Variants in SRPK2 observed in about 807,000 individuals in gnomAD.
SRPK2 encodes the protein SFRS protein kinase 2.
SRPK2 carries 21 observed loss-of-function variants against 90.8 expected under a neutral mutation model. The ratio of observed to expected loss-of-function variants is 0.23; its 90% CI spans 0.16 to 0.33. The LOEUF is 0.33. SRPK2 is among the 10% of genes least tolerant of loss of function. SRPK2 has a pLI of 1.00. For missense variants in SRPK2, 620 were observed against 869.0 expected (o/e 0.71, Z 3.60); for synonymous variants, 288 against 311.1 (o/e 0.93, Z 0.78).
intron 2 of SRPK2, among the ~76,000 whole-genome samples, chr7:105,249,194 A>G (rs1282887002): frequency 6.6e-6 from 1 of 152,150 alleles, no homozygotes; most frequent in Admixed American, 6.6e-5. Flanking sequence ...TTGTTCAGAT[A>G]TTATACTCTG....
chr7:105,171,974 A>T, intron 3 of SRPK2, among the ~76,000 whole-genome samples: 1 of 151,930 alleles, frequency 6.6e-6, no homozygotes, highest in Non-Finnish European at 1.5e-5. Context: ...GCTCACTGCA[A>T]CCTCCACCTC....
At chr7:105,166,793 T>C (rs1790125637) in intron 6 of SRPK2, among the ~76,000 whole-genome samples, 1 of 152,194 alleles carries the variant, frequency 6.6e-6, no homozygotes, top group African/African-American at 2.4e-5. Flanking sequence ...AACCAAAATG[T>C]TTCCATACTC....
rs7791666 is a variant in SRPK2 at position 105,156,596 on chromosome 7, G to A, written c.621+3911C>T. On this transcript the variant is annotated intron_variant, in intron 7 of 15. Transcript: ENST00000393651. ...GCTCACTGCAGCCTTGACCCCTTGG[G>A]CTCAAGTGATCCTCCGACCTCAGCC... 3.3e-3 allele frequency among the ~76,000 whole-genome samples: 495 copies of A among 152,228 alleles called. 1 individual carries two copies. The highest frequency in any genetic ancestry group is 9.2e-3 in the African/African-American group (382 of 41,522).
intron 3 of SRPK2, among the ~76,000 whole-genome samples, chr7:105,186,067 T>G (rs1021854709): frequency 1.3e-5 from 2 of 152,250 alleles, no homozygotes; most frequent in Admixed American, 1.3e-4. Flanking sequence ...ACTTTAGGTT[T>G]AATGTCTGCA....
At chr7:105,270,476 C>T (rs1461400930) in intron 2 of SRPK2, among the ~76,000 whole-genome samples, 2 of 150,664 alleles carry the variant, frequency 1.3e-5, no homozygotes, top group African/African-American at 4.9e-5. Context: ...GGCACAATCT[C>T]GGCTCACTGC....
Position 105,132,774 on chromosome 7 carries a change from G to A in SRPK2, c.1752+17C>T. Reference sequence around the variant, plus strand: ...CGAGCCAATTCCCATGGCAGCAAAGGGCACAGCCGTCCTTACCATACACGC... The same window carrying A: ...CGAGCCAATTCCCATGGCAGCAAAGAGCACAGCCGTCCTTACCATACACGC... On this transcript the variant is annotated intron_variant, in intron 13 of 15. Transcript: ENST00000393651. 2 of 1,590,886 alleles carry A rather than the reference G, an allele frequency of 1.3e-6. No individual in the cohort carries two copies. Among genetic ancestry groups the A allele is most frequent in the Non-Finnish European group, 1.7e-6 (2 of 1,164,438 alleles).
chr7:105,378,583 T>C (rs1460443780), intron 2 of SRPK2, among the ~76,000 whole-genome samples: 1 of 151,908 alleles, frequency 6.6e-6, no homozygotes, highest in South Asian at 2.1e-4. Context: ...GCCAACATGG[T>C]GAAACCCCAT....
chr7:105,282,918 AATAT>A (rs1807535753), intron 2 of SRPK2, among the ~76,000 whole-genome samples: 1 of 151,806 alleles, frequency 6.6e-6, no homozygotes, highest in Non-Finnish European at 1.5e-5. Flanking sequence ...TAGCATCCAG[AATAT>A]ATAAAGAACT....
intron 3 of SRPK2, among the ~76,000 whole-genome samples, chr7:105,192,509 C>T (rs1794421591): frequency 6.6e-6 from 1 of 152,216 alleles, no homozygotes; most frequent in African/African-American, 2.4e-5. Context: ...TATAAACATG[C>T]ATGAGCAAGT....
intron 11 of SRPK2, among the ~76,000 whole-genome samples, 183 bp downstream of exon 11, chr7:105,141,825 T>C (rs545758665): frequency 4.6e-4 from 70 of 152,262 alleles, no homozygotes; most frequent in African/African-American, 1.6e-3. Flanking sequence ...GAGCAAGAAA[T>C]AGCCTAATGG....
At chr7:105,394,367 T>C (rs974539054), upstream of SRPK2, among the ~76,000 whole-genome samples, 165 of 152,236 alleles carry the variant, frequency 1.1e-3, 4 homozygotes, top group Admixed American at 0.011. Context: ...GGTCTCAAAC[T>C]CCTGACCTCA....
chr7:105,330,819 T>TA (rs558562694), intron 2 of SRPK2, among the ~76,000 whole-genome samples: 48 of 148,036 alleles, frequency 3.2e-4, no homozygotes, highest in African/African-American at 6.0e-4. Context: ...TGTCTCTATT[T>TA]AAAAAAAAAA....
At chr7:105,145,990 C>A (rs1375769233) in intron 8 of SRPK2, among the ~76,000 whole-genome samples, 1 of 152,150 alleles carries the variant, frequency 6.6e-6, no homozygotes, top group Non-Finnish European at 1.5e-5. Context: ...CACCACCTCC[C>A]CGACCCCGCC....
chr7:105,323,967 T>TGTGTGTG (rs1813232169), intron 2 of SRPK2, among the ~76,000 whole-genome samples: 114 of 133,894 alleles, frequency 8.5e-4, no homozygotes, highest in African/African-American at 2.9e-3. Flanking sequence ...AGACTATTCT[T>TGTGTGTG]TGTGTGTGTG....
At position 105,382,456 on chromosome 7, in the gene SRPK2, T is replaced by G. The variant is rs148213830; in HGVS notation, c.71+6192A>C. ...AATCCCAGCTACTCAGGAGGCTAAG[T>G]CAGGAGAATCGCTTAAACCCAGGAA... On this transcript the variant is annotated intron_variant, in intron 2 of 15. Transcript: ENST00000393651. Among the ~76,000 whole-genome samples the G allele has an allele frequency of 4.9e-3, 704 of 143,460 alleles. 11 individuals carry two copies. The East Asian group carries it at 0.058, about 12-fold the overall frequency. The allele number at this position is 143,460 out of a possible 152,430, so 94.1% of individuals were successfully genotyped here. A position where few individuals can be genotyped will look rare whatever the true frequency, so the allele number is the denominator to read the frequency against.
intron 2 of SRPK2, among the ~76,000 whole-genome samples, chr7:105,353,119 T>C (rs1343783852): frequency 1.3e-5 from 2 of 152,136 alleles, no homozygotes; most frequent in East Asian, 3.8e-4. Context: ...GATTAAGTAA[T>C]TGCTAAGGAA....
At chr7:105,385,119 G>A (rs35446961) in intron 2 of SRPK2, among the ~76,000 whole-genome samples, 10,053 of 143,548 alleles carry the variant, frequency 0.07, 424 homozygotes, top group Non-Finnish European at 0.093. Flanking sequence ...TGATCCGCCC[G>A]CCTCGGCCTC....
At chr7:105,257,880 G>C (rs111563282) in intron 2 of SRPK2, among the ~76,000 whole-genome samples, 62,496 of 151,974 alleles carry the variant, frequency 0.41, 14,762 homozygotes, top group Non-Finnish European at 0.53. Context: ...GGGAGTCCGA[G>C]GCAGGCAGAG....
chr7:105,361,458 G>C lies in SRPK2; in HGVS notation c.71+27190C>G, dbSNP rs935564797. 4.6e-5 allele frequency among the ~76,000 whole-genome samples: 7 copies of C among 152,246 alleles called. 1 individual carries two copies. Among genetic ancestry groups the C allele is most frequent in the African/African-American group, 1.7e-4 (7 of 41,546 alleles). On this transcript the variant is annotated intron_variant, in intron 2 of 15. Transcript: ENST00000393651. ...CAAGCTACCAATTACTTTCTTCACA[G>C]AATTGGAAAAAACTACTTTAAAGTT... is the stretch of plus-strand genomic sequence containing the variant.
Sources: allele counts gnomAD v4.1 joint callset (sites outside exome capture counted in the v4.1 genomes callset), GRCh38; gene constraint gnomAD v4.1.1; transcripts MANE v1.5; gene names NCBI Gene and HGNC (gene_info 2026-07-23, HGNC 2026-07-21).